Variants in AP1M1 observed in about 807,000 individuals in gnomAD.
AP1M1 encodes AP-1 complex subunit mu-1.
A neutral mutation model predicts 57.1 loss-of-function variants in AP1M1; 18 were observed. The observed-to-expected ratio is 0.32, with a 90% CI of 0.22 to 0.47. The LOEUF (loss-of-function observed/expected upper bound fraction) is 0.47. Among genes scored for constraint, AP1M1 ranks in the 20% least tolerant of loss-of-function variants. AP1M1 has a pLI of 1.00. For synonymous variants in AP1M1, 241 were observed against 237.9 expected (o/e 1.01, Z -0.12); for missense variants, 362 against 593.5 (o/e 0.61, Z 4.05).
At position 16,207,167 on chromosome 19, in the gene AP1M1, G is replaced by A. The variant is rs529538322; in HGVS notation, c.267+759G>A. ...GGCCGAGGTGGGCTGTGGGGCTCAC[G>A]AAAGTGGGGAACAGGACCCAGGAGG... On this transcript the variant is annotated intron_variant, in intron 3 of 11. Coordinates refer to ENST00000291439, the MANE Select transcript of AP1M1 (RefSeq NM_032493.4). This position sits in a 1 kb window ranked among gnomAD's most constrained non-coding sequence, Gnocchi z 4.2. Among the ~76,000 whole-genome samples, 6 of 152,198 alleles carry A rather than the reference G, an allele frequency of 3.9e-5. No homozygotes were observed. Among genetic ancestry groups the A allele is most frequent in the South Asian group, 2.1e-4 (1 of 4,820 alleles).
chr19:16,234,463 TCGGGGC>T lies in AP1M1; in HGVS notation c.*29_*34del. On this transcript the variant is annotated 3_prime_UTR_variant, in exon 12 of 12. Transcript: ENST00000291439. Reference sequence around the variant, plus strand: ...GGCTGTCGCAGCCAACACCCCGGCCTCGGGGCTCCTGGTGGCAGCACCAGGGGACAC... The same window carrying T: ...GGCTGTCGCAGCCAACACCCCGGCCTTCCTGGTGGCAGCACCAGGGGACAC... 6.2e-7 allele frequency: 1 copy of T among 1,613,006 alleles called. No individual in the cohort carries two copies.
chr19:16,228,642 GGA>G lies in AP1M1; in HGVS notation c.889-125_889-124del. 1 of 995,952 alleles carries G rather than the reference GGA, an allele frequency of 1.0e-6. No individual in the cohort carries two copies. The highest frequency in any genetic ancestry group is 1.5e-6 in the Non-Finnish European group (1 of 672,370). The allele number at this position is 995,952 out of a possible 1,614,324, so 61.7% of individuals were successfully genotyped here. On this transcript the variant is annotated intron_variant, in intron 8 of 11. Coordinates refer to ENST00000291439, the MANE Select transcript of AP1M1 (RefSeq NM_032493.4). The surrounding 1 kb of genome is among the most constrained non-coding windows in gnomAD (Gnocchi z 5.0). ...GCAGGAGAAGGGGTGGGTAGTGCCT[GGA>G]GAAGTGGGGCCAGGGGCGGGGCTAG...
rs1218818174 is a variant in AP1M1, at chr19:16,207,295, C to A, written c.268-724C>A. On this transcript the variant is annotated intron_variant, in intron 3 of 11. Coordinates refer to ENST00000291439, the MANE Select transcript of AP1M1 (RefSeq NM_032493.4). This position sits in a 1 kb window ranked among gnomAD's most constrained non-coding sequence, Gnocchi z 4.2. ...GGGCGGTGAGGGCTTGGGGAAGGAG[C>A]CGAGGGTCACCTGGGAAGGCCCCAC... 1.4e-4 allele frequency among the ~76,000 whole-genome samples: 21 copies of A among 152,052 alleles called. No homozygotes were observed. The highest frequency in any genetic ancestry group is 1.0e-4 in the Non-Finnish European group (7 of 67,944).
chr19:16,215,217 GGGGAGGGGGGA>G (rs2091513996), intron 5 of AP1M1, among the ~76,000 whole-genome samples: 1 of 53,234 alleles, frequency 1.9e-5, no homozygotes, highest in Non-Finnish European at 5.6e-5. Context: ...GGGGGAGAGG[GGGGAGGGGGGA>G]GGGGAGGGGA....
intron 5 of AP1M1, 45 bp downstream of exon 5, chr19:16,209,222 C>G: frequency 1.2e-6 from 2 of 1,601,316 alleles, no homozygotes; most frequent in Non-Finnish European, 1.7e-6. Flanking sequence ...TTATCTCTTC[C>G]ACGATAGAAA....
chr19:16,199,977 T>C (rs2091440554), intron 1 of AP1M1, among the ~76,000 whole-genome samples: 1 of 152,194 alleles, frequency 6.6e-6, no homozygotes, highest in Admixed American at 6.5e-5. Context: ...GCTGCTCAGC[T>C]GTGTGACCTG....
intron 5 of AP1M1, among the ~76,000 whole-genome samples, chr19:16,223,763 G>C (rs1000454986): frequency 6.6e-6 from 1 of 152,224 alleles, no homozygotes; most frequent in Non-Finnish European, 1.5e-5. Context: ...GCTCTTCCCT[G>C]GTCCACCTGC....
rs890284604 is a variant in AP1M1 at position 16,209,039 on chromosome 19, T to C, written c.408T>C (p.Thr136=). 1 of 1,613,778 alleles carries C rather than the reference T, an allele frequency of 6.2e-7. No homozygotes were observed. Among genetic ancestry groups the C allele is most frequent in the Admixed American group, 1.7e-5 (1 of 59,994 alleles). ...GCGTGTGGCCCCACAGGTACATCAC[T>C]CAGGAAGGCCACAAGCTGGAAACAG... ...TDSKILQEYI[T]QEGHKLETGA... The change falls in exon 5 of 12, where the codon ACT becomes ACC. Residue 136 remains threonine (T), a synonymous_variant. Coordinates refer to ENST00000291439, the MANE Select transcript of AP1M1 (RefSeq NM_032493.4).
rs1294510724 is a variant in AP1M1 at position 16,231,140 on chromosome 19, T to C, written c.1047+2212T>C. ...CGTCTCTACTAAAAATACAAAAAAT[T>C]AGCCGGGTGTGGTGGTGGGTGCCTG... On this transcript the variant is annotated intron_variant, in intron 9 of 11. Transcript: ENST00000291439. 2.0e-5 allele frequency among the ~76,000 whole-genome samples: 3 copies of C among 151,610 alleles called. No homozygotes were observed. In the East Asian group the frequency reaches 5.9e-4, roughly 30 times the overall value.
chr19:16,231,550 C>A (rs961518678), intron 9 of AP1M1, among the ~76,000 whole-genome samples: 2 of 152,200 alleles, frequency 1.3e-5, no homozygotes, highest in African/African-American at 4.8e-5. Context: ...CTGCCTCAGC[C>A]TCCCAAGTAG....
Position 16,203,410 on chromosome 19 carries a change from T to A in AP1M1, c.43-49T>A. The A allele has an allele frequency of 6.2e-7, 1 of 1,606,544 alleles. No homozygotes were observed. Among genetic ancestry groups the A allele is most frequent in the African/African-American group, 1.3e-5 (1 of 74,836 alleles). On this transcript the variant is annotated intron_variant, in intron 1 of 11. Coordinates refer to ENST00000291439, the MANE Select transcript of AP1M1 (RefSeq NM_032493.4). The surrounding 1 kb of genome is among the most constrained non-coding windows in gnomAD (Gnocchi z 4.6). Reference sequence around the variant, plus strand: ...TCACCCCCTGCCCCAAGCCCCCAGATTGTAGAACTGAAAATGCAAGCATCT... The same window carrying A: ...TCACCCCCTGCCCCAAGCCCCCAGAATGTAGAACTGAAAATGCAAGCATCT...
Position 16,244,575 on chromosome 19 carries a change from C to G in AP1M1, c.*10140C>G, listed in dbSNP as rs1041332633. ...GACTGTCTGGGAGGAGAATAAATAA[C>G]ATGGATACACTTTGGGAGGCCGAGG... On this transcript the variant is annotated 3_prime_UTR_variant, in exon 12 of 12. Coordinates refer to ENST00000291439, the MANE Select transcript of AP1M1 (RefSeq NM_032493.4). 6.6e-6 allele frequency: 1 copy of G among 152,120 alleles called. No homozygotes were observed. Among genetic ancestry groups the G allele is most frequent in the Non-Finnish European group, 1.5e-5 (1 of 68,058 alleles). 9.4% of individuals were successfully genotyped at this position (152,120 alleles called of 1,614,324 possible).
rs1348566169 is a variant in AP1M1 at position 16,244,509 on chromosome 19, G to T, written c.*10074G>T. On this transcript the variant is annotated 3_prime_UTR_variant, in exon 12 of 12. Coordinates refer to ENST00000291439, the MANE Select transcript of AP1M1 (RefSeq NM_032493.4). Reference sequence around the variant, plus strand: ...ATAGAATTATACAACAGGAAAAAAAGTCTGCAGGGAGTAAACTGAGTTAAA... The same window carrying T: ...ATAGAATTATACAACAGGAAAAAAATTCTGCAGGGAGTAAACTGAGTTAAA... 6.6e-6 allele frequency: 1 copy of T among 152,192 alleles called. No homozygotes were observed. Among genetic ancestry groups the T allele is most frequent in the Non-Finnish European group, 1.5e-5 (1 of 68,026 alleles). The allele number at this position is 152,192 out of a possible 1,614,324, so 9.4% of individuals were successfully genotyped here.
In AP1M1 at chr19:16,227,844, C is replaced by T. The variant is rs550110225; in HGVS notation, c.816+154C>T. 2.0e-4 allele frequency among the ~76,000 whole-genome samples: 30 copies of T among 152,260 alleles called. No individual in the cohort carries two copies. Among genetic ancestry groups the T allele is most frequent in the Non-Finnish European group, 3.2e-4 (22 of 68,002 alleles). On this transcript the variant is annotated intron_variant, in intron 7 of 11. Transcript: ENST00000291439. The surrounding 1 kb of genome is among the most constrained non-coding windows in gnomAD (Gnocchi z 6.2). ...GATGGAGTCTGAGGACTTGGGACTC[C>T]GAGCTTTCTGAGGGGCACAGACCCC...
chr19:16,201,388 CTTTTTTTT>C (rs57467734), intron 1 of AP1M1, among the ~76,000 whole-genome samples: 2 of 62,374 alleles, frequency 3.2e-5, no homozygotes, highest in Non-Finnish European at 5.9e-5. Flanking sequence ...GGGAGGATTT[CTTTTTTTT>C]TTTTTTTTTT....
At chr19:16,234,140 A>T in intron 10 of AP1M1, 59 bp from the exon 11 acceptor site, 1 of 1,534,472 alleles carries the variant, frequency 6.5e-7, no homozygotes, top group Non-Finnish European at 8.8e-7. Flanking sequence ...GGAAAGATTA[A>T]GGGGGGACCA....
chr19:16,237,819 T>C lies in AP1M1; in HGVS notation c.*3384T>C, dbSNP rs1332891600. ...AAACCAAGACCACAGTTAGATGCTA[T>C]TTGCATCATGTCGGCCCCCCCCAAA... On this transcript the variant is annotated 3_prime_UTR_variant, in exon 12 of 12. Transcript: ENST00000291439. 1 of 152,052 alleles carries C rather than the reference T, an allele frequency of 6.6e-6. No individual in the cohort carries two copies. Among genetic ancestry groups the C allele is most frequent in the African/African-American group, 2.4e-5 (1 of 41,406 alleles). The allele number at this position is 152,052 out of a possible 1,614,324, so 9.4% of individuals were successfully genotyped here. A position where few individuals can be genotyped will look rare whatever the true frequency, so the allele number is the denominator to read the frequency against.
chr19:16,213,012 C>T (rs148863842), intron 5 of AP1M1, among the ~76,000 whole-genome samples: 1 of 152,068 alleles, frequency 6.6e-6, no homozygotes, highest in East Asian at 1.9e-4. Context: ...ATTTTATGTC[C>T]AATTGTGTGG....
chr19:16,219,844 G>T (rs189582013), intron 5 of AP1M1, among the ~76,000 whole-genome samples: 1 of 152,288 alleles, frequency 6.6e-6, no homozygotes, highest in Admixed American at 6.5e-5. Context: ...TTCTACTTTT[G>T]ACATCATGTC....
Sources: allele counts gnomAD v4.1 joint callset (sites outside exome capture counted in the v4.1 genomes callset), GRCh38; gene constraint gnomAD v4.1.1; non-coding constraint Gnocchi (gnomAD v3.1); transcripts MANE v1.5; gene names NCBI Gene and HGNC (gene_info 2026-07-23, HGNC 2026-07-21).